Variants in ZNF778 observed in about 807,000 individuals in gnomAD.
The protein encoded by ZNF778 is zinc finger protein 778.
In ZNF778, 37 loss-of-function variants were observed where a neutral mutation model predicts 23.9. That is an observed-to-expected ratio of 1.54 (90% CI 1.19 to 2.03). ZNF778 has a LOEUF of 2.03. Among genes scored for constraint, ZNF778 ranks in the 30% most tolerant of loss-of-function variants. ZNF778 has a pLI of 0.00. For missense variants in ZNF778, 1,297 were observed against 934.4 expected (o/e 1.39, Z -5.06); for synonymous variants, 483 against 343.9 (o/e 1.40, Z -4.48).
chr16:89,224,912 G>A, intron 5 of ZNF778, 110 bp downstream of exon 5: 1 of 771,506 alleles, frequency 1.3e-6, no homozygotes, highest in Non-Finnish European at 2.2e-6. Context: ...AGCGGCTGTG[G>A]GAGGATCCTG....
chr16:89,227,995 C>T lies in ZNF778; in HGVS notation c.1707C>T (p.Ser569=). Residue 569 remains serine, a synonymous_variant, in exon 7 of 7, where the codon TCC becomes TCT. Coordinates refer to ENST00000433976, the MANE Select transcript of ZNF778 (RefSeq NM_001201407.2). ...KPFICTVCRK[S]FRNSSCLNKH... ...TTATATGTACGGTATGCAGGAAATC[C>T]TTCAGAAATTCCTCGTGCCTGAATA... 1.3e-6 allele frequency: 2 copies of T among 1,589,204 alleles called. No individual in the cohort carries two copies. The highest frequency in any genetic ancestry group is 1.7e-6 in the Non-Finnish European group (2 of 1,164,684).
At chr16:89,224,263 G>A (rs1269977703) in intron 4 of ZNF778, among the ~76,000 whole-genome samples, 19 of 151,958 alleles carry the variant, frequency 1.3e-4, no homozygotes, top group Admixed American at 1.2e-3. Context: ...GGACGCAGTG[G>A]CTCATGCCTG....
rs1483506936 is a variant in ZNF778 at position 89,217,823 on chromosome 16, GCGCCTT to G, written c.-218_-213del. Reference sequence around the variant, plus strand: ...GAGTGGGCGCCCGCCCGCCTGCCTCGCGCCTTGCGCCCCCGGCACCGCTTCCAGAAG... The same window carrying G: ...GAGTGGGCGCCCGCCCGCCTGCCTCGGCGCCCCCGGCACCGCTTCCAGAAG... On this transcript the variant is annotated 5_prime_UTR_variant, in exon 1 of 7. Coordinates refer to ENST00000433976, the MANE Select transcript of ZNF778 (RefSeq NM_001201407.2). 1 of 152,248 alleles carries G rather than the reference GCGCCTT, an allele frequency of 6.6e-6. No homozygotes were observed. The highest frequency in any genetic ancestry group is 1.5e-5 in the Non-Finnish European group (1 of 68,074). 9.4% of individuals were successfully genotyped at this position (152,248 alleles called of 1,614,324 possible). A position where few individuals can be genotyped will look rare whatever the true frequency, so the allele number is the denominator to read the frequency against.
chr16:89,234,160 C>A lies in ZNF778; in HGVS notation c.*5598C>A. 2.4e-6 allele frequency: 1 copy of A among 422,494 alleles called. No individual in the cohort carries two copies. The highest frequency in any genetic ancestry group is 2.0e-5 in the African/African-American group (1 of 49,424). The allele number at this position is 422,494 out of a possible 1,614,324, so 26.2% of individuals were successfully genotyped here. A position where few individuals can be genotyped will look rare whatever the true frequency, so the allele number is the denominator to read the frequency against. ...CCATGTCAGGAACCTGTGTGTGTCA[C>A]TCACTCACCTTGACGAGTCCGCGTC... On this transcript the variant is annotated 3_prime_UTR_variant, in exon 7 of 7. Coordinates refer to ENST00000433976, the MANE Select transcript of ZNF778 (RefSeq NM_001201407.2).
At position 89,234,162 on chromosome 16, in the gene ZNF778, C is replaced by T. The variant is rs1005575502; in HGVS notation, c.*5600C>T. 1 of 421,734 alleles carries T rather than the reference C, an allele frequency of 2.4e-6. No individual in the cohort carries two copies. Among genetic ancestry groups the T allele is most frequent in the South Asian group, 1.8e-5 (1 of 56,566 alleles). The allele number at this position is 421,734 out of a possible 1,614,324, so 26.1% of individuals were successfully genotyped here. ...ATGTCAGGAACCTGTGTGTGTCACT[C>T]ACTCACCTTGACGAGTCCGCGTCTA... On this transcript the variant is annotated 3_prime_UTR_variant, in exon 7 of 7. Coordinates refer to ENST00000433976, the MANE Select transcript of ZNF778 (RefSeq NM_001201407.2).
intron 1 of ZNF778, chr16:89,218,384 A>G (rs1007745867): frequency 2.0e-5 from 3 of 152,276 alleles, no homozygotes; most frequent in Admixed American, 6.5e-5. Flanking sequence ...GAGTGTAAGT[A>G]AGTTGAAATT....
In ZNF778 at chr16:89,226,790, A is replaced by T. The variant is rs779370020; in HGVS notation, c.502A>T (p.Asn168Tyr). The T allele has an allele frequency of 1.9e-6, 3 of 1,613,986 alleles. No homozygotes were observed. Among genetic ancestry groups the T allele is most frequent in the Non-Finnish European group, 2.5e-6 (3 of 1,179,896 alleles). ...SGLSTHVRTQ[N>Y]TGDSCVSNHY... is the part of the protein sequence containing the mutation. Reference sequence around the variant, plus strand: ...CCTCAGCACACACGTGAGAACTCAAAATACAGGAGACAGTTGTGTGTCTAA... The same window carrying T: ...CCTCAGCACACACGTGAGAACTCAATATACAGGAGACAGTTGTGTGTCTAA... Residue 168 changes from asparagine to tyrosine, a missense_variant, in exon 7 of 7, where the codon AAT becomes TAT. By Grantham distance (143) the Asn-to-Tyr change is moderately radical. Transcript: ENST00000433976.
At position 89,228,802 on chromosome 16, in the gene ZNF778, G is replaced by A; in HGVS notation, c.*240G>A. The A allele has an allele frequency of 7.9e-7, 1 of 1,264,628 alleles. No homozygotes were observed. Among genetic ancestry groups the A allele is most frequent in the South Asian group, 2.4e-5 (1 of 41,494 alleles). 78.3% of individuals were successfully genotyped at this position (1,264,628 alleles called of 1,614,324 possible). ...CCAGTAGAGAGAACTCTATTGATGTGTGATATGCAGCAGCATTGTTGCTGT... is the reference window on the plus strand; with the variant it reads ...CCAGTAGAGAGAACTCTATTGATGTATGATATGCAGCAGCATTGTTGCTGT... On this transcript the variant is annotated 3_prime_UTR_variant, in exon 7 of 7. Coordinates refer to ENST00000433976, the MANE Select transcript of ZNF778 (RefSeq NM_001201407.2).
In ZNF778 at chr16:89,229,097, A is replaced by T; in HGVS notation, c.*535A>T. On this transcript the variant is annotated 3_prime_UTR_variant, in exon 7 of 7. Transcript: ENST00000433976. ...ATGATGCTGCACTGATCATTCTTGG[A>T]GTGAGGACTCTGTTCCCTGTAGAAA... 1.0e-6 allele frequency: 1 copy of T among 986,526 alleles called. No homozygotes were observed. Among genetic ancestry groups the T allele is most frequent in the Non-Finnish European group, 1.2e-6 (1 of 830,766 alleles). The allele number at this position is 986,526 out of a possible 1,614,324, so 61.1% of individuals were successfully genotyped here. A position where few individuals can be genotyped will look rare whatever the true frequency, so the allele number is the denominator to read the frequency against.
rs377352753 is a variant in ZNF778, at chr16:89,223,212, T to A, written c.173T>A (p.Leu58Ter). The A allele has an allele frequency of 1.2e-6, 2 of 1,614,106 alleles. No individual in the cohort carries two copies. The highest frequency in any genetic ancestry group is 2.2e-5 in the South Asian group (2 of 91,072). The change falls in exon 4 of 7, where the codon TTA becomes TAA. Residue 58 changes from leucine to a stop codon, truncating the protein, a stop_gained. Coordinates refer to ENST00000433976, the MANE Select transcript of ZNF778 (RefSeq NM_001201407.2). LOFTEE classifies it high-confidence loss of function. The stretch of plus-strand genomic sequence containing the variant: ...GACTTCACCCAGGAGGAATGGACTT[T>A]ACTGGACCCATCTCAGAGAGACCTC... ...AVDFTQEEWT[L>*]LDPSQRDLYR... is the part of the protein sequence containing the mutation.
In ZNF778 at chr16:89,233,595, A is replaced by G. The variant is rs1166980278; in HGVS notation, c.*5033A>G. 8.9e-7 allele frequency: 1 copy of G among 1,127,250 alleles called. No homozygotes were observed. The highest frequency in any genetic ancestry group is 1.7e-5 in the African/African-American group (1 of 59,244). The allele number at this position is 1,127,250 out of a possible 1,614,324, so 69.8% of individuals were successfully genotyped here. On this transcript the variant is annotated 3_prime_UTR_variant, in exon 7 of 7. Transcript: ENST00000433976. ...TCGCACTGCATATGCAACGCAACTC[A>G]ACTCATACTGCATATGCAACTCAAC... is the stretch of plus-strand genomic sequence containing the variant.
Position 89,227,936 on chromosome 16 carries a change from G to C in ZNF778, c.1648G>C (p.Glu550Gln), listed in dbSNP as rs2031647623. 1 of 1,590,204 alleles carries C rather than the reference G, an allele frequency of 6.3e-7. No individual in the cohort carries two copies. The highest frequency in any genetic ancestry group is 1.3e-5 in the African/African-American group (1 of 74,308). ...CTACAATAGGGTTTATCTACTGAAT[G>C]AGCATGTGAAAACTCACACAGAGGA... The part of the protein sequence containing the change: ...KAYNRVYLLN[E>Q]HVKTHTEEKP... The change falls in exon 7 of 7, where the codon GAG (glutamate) becomes CAG (glutamine). Residue 550 changes from glutamate to glutamine, a missense_variant. Coordinates refer to ENST00000433976, the MANE Select transcript of ZNF778 (RefSeq NM_001201407.2).
Position 89,228,731 on chromosome 16 carries a change from GAA to G in ZNF778, c.*171_*172del. ...TGGAGCCCTATGCAGCAGACACAGA[GAA>G]AGCCCTCAGTGTTCTCTAAGGTCTT... is the stretch of plus-strand genomic sequence containing the variant. On this transcript the variant is annotated 3_prime_UTR_variant, in exon 7 of 7. Coordinates refer to ENST00000433976, the MANE Select transcript of ZNF778 (RefSeq NM_001201407.2). 7.0e-7 allele frequency: 1 copy of G among 1,423,318 alleles called. No individual in the cohort carries two copies. The highest frequency in any genetic ancestry group is 1.6e-5 in the South Asian group (1 of 62,886). 88.2% of individuals were successfully genotyped at this position (1,423,318 alleles called of 1,614,324 possible).
Position 89,229,263 on chromosome 16 carries a change from T to C in ZNF778, c.*701T>C. The C allele has an allele frequency of 1.0e-6, 1 of 985,654 alleles. No individual in the cohort carries two copies. The highest frequency in any genetic ancestry group is 1.2e-6 in the Non-Finnish European group (1 of 830,130). 61.1% of individuals were successfully genotyped at this position (985,654 alleles called of 1,614,324 possible). ...TCCAGATGTGATTCTTTGAGCAGCGTAGGCTCTGGTTGGTTAGTCTTGAGG... is the reference window on the plus strand; with the variant it reads ...TCCAGATGTGATTCTTTGAGCAGCGCAGGCTCTGGTTGGTTAGTCTTGAGG... On this transcript the variant is annotated 3_prime_UTR_variant, in exon 7 of 7. Coordinates refer to ENST00000433976, the MANE Select transcript of ZNF778 (RefSeq NM_001201407.2).
rs1031302625 is a variant in ZNF778 at position 89,234,439 on chromosome 16, G to C, written c.*5877G>C. The stretch of plus-strand genomic sequence containing the variant: ...CTTCATTACTGATAGTATGAACATG[G>C]TTTTGCTTACGCTGGCTATTTTCCT... On this transcript the variant is annotated 3_prime_UTR_variant, in exon 7 of 7. Coordinates refer to ENST00000433976, the MANE Select transcript of ZNF778 (RefSeq NM_001201407.2). 1.5e-5 allele frequency: 3 copies of C among 194,960 alleles called. No homozygotes were observed. The highest frequency in any genetic ancestry group is 5.3e-5 in the Admixed American group (1 of 18,798). 12.1% of individuals were successfully genotyped at this position (194,960 alleles called of 1,614,324 possible).
chr16:89,220,686 C>G (rs1037107094), intron 1 of ZNF778, among the ~76,000 whole-genome samples: 7 of 152,068 alleles, frequency 4.6e-5, no homozygotes, highest in African/African-American at 1.2e-4. Flanking sequence ...ACGAGATGGT[C>G]GAACATGTAC....
chr16:89,228,702 A>G lies in ZNF778; in HGVS notation c.*140A>G. 2 of 1,456,344 alleles carry G rather than the reference A, an allele frequency of 1.4e-6. No individual in the cohort carries two copies. Among genetic ancestry groups the G allele is most frequent in the Non-Finnish European group, 9.0e-7 (1 of 1,108,854 alleles). 90.2% of individuals were successfully genotyped at this position (1,456,344 alleles called of 1,614,324 possible). A position where few individuals can be genotyped will look rare whatever the true frequency, so the allele number is the denominator to read the frequency against. The stretch of plus-strand genomic sequence containing the variant: ...ATCACAACCCGGCAGGCAGGAACTC[A>G]CCCTGGAGCCCTATGCAGCAGACAC... On this transcript the variant is annotated 3_prime_UTR_variant, in exon 7 of 7. Transcript: ENST00000433976.
chr16:89,228,061 T>C lies in ZNF778; in HGVS notation c.1773T>C (p.Cys591=). The C allele has an allele frequency of 6.2e-7, 1 of 1,613,112 alleles. No homozygotes were observed. Among genetic ancestry groups the C allele is most frequent in the African/African-American group, 1.3e-5 (1 of 75,034 alleles). Residue 591 remains cysteine (C), a synonymous_variant, in exon 7 of 7, where the codon TGT becomes TGC. Coordinates refer to ENST00000433976, the MANE Select transcript of ZNF778 (RefSeq NM_001201407.2). ...QIHTGIKPYE[C]KDCGKTFTVS... ...ACACTGGAATAAAACCTTATGAATGTAAGGACTGTGGGAAAACATTCACTG... is the reference window on the plus strand; with the variant it reads ...ACACTGGAATAAAACCTTATGAATGCAAGGACTGTGGGAAAACATTCACTG...
chr16:89,229,215 C>A lies in ZNF778; in HGVS notation c.*653C>A. On this transcript the variant is annotated 3_prime_UTR_variant, in exon 7 of 7. Coordinates refer to ENST00000433976, the MANE Select transcript of ZNF778 (RefSeq NM_001201407.2). The stretch of plus-strand genomic sequence containing the variant: ...TGTGATCCTGTGTGAGCAGTGTAGG[C>A]TCTGGTTGGTTAGTCTTGAGGATCC... 1.9e-5 allele frequency: 19 copies of A among 985,708 alleles called. No homozygotes were observed. Among genetic ancestry groups the A allele is most frequent in the Non-Finnish European group, 2.3e-5 (19 of 830,140 alleles). The allele number at this position is 985,708 out of a possible 1,614,324, so 61.1% of individuals were successfully genotyped here.
Sources: gnomAD v4.1 joint callset for allele counts (sites outside exome capture counted in the v4.1 genomes callset) on GRCh38, gnomAD v4.1.1 for gene constraint, MANE v1.5 for transcripts, NCBI Gene and HGNC (gene_info 2026-07-23, HGNC 2026-07-21) for gene names.